Variants in GAREM1 observed in about 807,000 individuals in gnomAD.
GAREM1 encodes GRB2 associated regulator of MAPK1 subtype 1, also known as GRB2-associated and regulator of MAPK protein 1.
GAREM1 carries 26 observed loss-of-function variants against 71.3 expected under a neutral mutation model. That is an observed-to-expected ratio of 0.36 (90% CI 0.27 to 0.51). The LOEUF is 0.51. GAREM1 is among the 20% of genes least tolerant of loss of function. The probability of loss-of-function intolerance (pLI) is 0.95; values close to 1 mark genes in which losing one functional copy is unlikely to be tolerated. For synonymous variants in GAREM1, 440 were observed against 433.2 expected (o/e 1.02, Z -0.20); for missense variants, 1,026 against 1,103.1 (o/e 0.93, Z 0.99).
rs2048195263 is a variant in GAREM1, at chr18:32,391,308, GAGA to G, written c.262+1584_262+1586del. Among the ~76,000 whole-genome samples the G allele has an allele frequency of 3.9e-5, 6 of 152,244 alleles. No homozygotes were observed. The South Asian group carries it at 1.0e-3, about 26-fold the overall frequency. The stretch of plus-strand genomic sequence containing the variant: ...CTTCGGAATAGAAAAGATCAGTTTG[GAGA>G]AGTAGACCAGAACCAGCCTCTGGAA... On this transcript the variant is annotated intron_variant, in intron 2 of 5. Coordinates refer to ENST00000269209, the MANE Select transcript of GAREM1 (RefSeq NM_001242409.2).
At chr18:32,452,881 GTTA>G (rs1211696468) in intron 1 of GAREM1, among the ~76,000 whole-genome samples, 2 of 150,406 alleles carry the variant, frequency 1.3e-5, no homozygotes, top group African/African-American at 4.9e-5. Context: ...AACTTGGCAT[GTTA>G]TTAACTATAG....
In GAREM1 at chr18:32,378,057, T is replaced by TGTGTGCGC. The variant is rs1293817110; in HGVS notation, c.262+14837_262+14838insGCGCACAC. On this transcript the variant is annotated intron_variant, in intron 2 of 5. Transcript: ENST00000269209. ...GTGTGTGTGTGTGTGTGTGTGTGTG[T>TGTGTGCGC]GCGCGCGGGCGCTTTGGAGGAGGGC... Among the ~76,000 whole-genome samples, 53 of 127,620 alleles carry TGTGTGCGC rather than the reference T, an allele frequency of 4.2e-4. 1 individual carries two copies. The highest frequency in any genetic ancestry group is 1.5e-3 in the African/African-American group (51 of 33,236). 83.7% of individuals were successfully genotyped at this position (127,620 alleles called of 152,430 possible).
intron 2 of GAREM1, among the ~76,000 whole-genome samples, chr18:32,318,882 A>G (rs1034434829): frequency 6.6e-6 from 1 of 152,190 alleles, no homozygotes; most frequent in African/African-American, 2.4e-5. Context: ...CCAAAATGTT[A>G]AAGTAGAAAA....
At chr18:32,322,493 G>A (rs909704884) in intron 2 of GAREM1, among the ~76,000 whole-genome samples, 3 of 148,452 alleles carry the variant, frequency 2.0e-5, no homozygotes, top group Non-Finnish European at 4.4e-5. Context: ...AAAGATTGGG[G>A]TCAGTTACAA....
intron 2 of GAREM1, among the ~76,000 whole-genome samples, chr18:32,323,654 G>A (rs895556390): frequency 1.3e-4 from 20 of 152,014 alleles, no homozygotes; most frequent in African/African-American, 4.8e-4. Flanking sequence ...GGTTGCAGTG[G>A]GCCAAAATTG....
At chr18:32,352,375 G>A (rs926511066) in intron 2 of GAREM1, among the ~76,000 whole-genome samples, 1 of 152,156 alleles carries the variant, frequency 6.6e-6, no homozygotes, top group Non-Finnish European at 1.5e-5. Flanking sequence ...ATCCTGCCTC[G>A]CTGGCCTGAG....
intron 2 of GAREM1, among the ~76,000 whole-genome samples, chr18:32,355,158 T>G (rs1182428116): frequency 6.6e-6 from 1 of 152,176 alleles, no homozygotes; most frequent in Non-Finnish European, 1.5e-5. Flanking sequence ...AAAAAAATTT[T>G]TTTAAAGTCT....
chr18:32,433,647 A>C (rs748055519), intron 1 of GAREM1, among the ~76,000 whole-genome samples: 6 of 152,078 alleles, frequency 3.9e-5, no homozygotes, highest in African/African-American at 7.2e-5. Flanking sequence ...AAAGTCAGTC[A>C]CATTTCTCTA....
At chr18:32,462,219 T>C (rs958137156) in intron 1 of GAREM1, among the ~76,000 whole-genome samples, 3 of 152,240 alleles carry the variant, frequency 2.0e-5, no homozygotes, top group African/African-American at 7.2e-5. Context: ...GCTTTATTAA[T>C]TGAAATTTAC....
At chr18:32,364,288 GC>G (rs1287372905) in intron 2 of GAREM1, among the ~76,000 whole-genome samples, 1 of 151,284 alleles carries the variant, frequency 6.6e-6, no homozygotes, top group Non-Finnish European at 1.5e-5. Context: ...GCTTGCCTCA[GC>G]CTCCCAAAGT....
intron 2 of GAREM1, among the ~76,000 whole-genome samples, chr18:32,385,306 C>T (rs890219939): frequency 6.6e-6 from 1 of 151,842 alleles, no homozygotes; most frequent in East Asian, 1.9e-4. Flanking sequence ...CTACCTTTCA[C>T]TCATTTTTAA....
rs550531323 is a variant in GAREM1 at position 32,270,265 on chromosome 18, C to A, written c.1685G>T (p.Arg562Leu). 3 of 1,613,848 alleles carry A rather than the reference C, an allele frequency of 1.9e-6. No individual in the cohort carries two copies. The highest frequency in any genetic ancestry group is 2.5e-6 in the Non-Finnish European group (3 of 1,179,920). Residue 562 changes from arginine (R) to leucine (L), a missense_variant, in exon 5 of 6, where the codon CGC becomes CTC. Around this residue, in one of 3 missense-constraint regions of GAREM1, gnomAD observed 636 missense variants for 631.2 expected, o/e 1.01. Coordinates refer to ENST00000269209, the MANE Select transcript of GAREM1 (RefSeq NM_001242409.2). ...GTAGGACAAGGTGGGGCTGGGAGAG[C>A]GAGTCTGTTGCCGCGCTGGCTTGAC... ...RTVKPARQQT[R>L]SPSPTLSYYS... is the part of the protein sequence containing the mutation.
chr18:32,297,847 A>G (rs116595523), intron 3 of GAREM1, among the ~76,000 whole-genome samples: 29 of 152,366 alleles, frequency 1.9e-4, no homozygotes, highest in African/African-American at 7.0e-4. Context: ...AGACAGGGAT[A>G]AGATGCAGAC....
At chr18:32,433,203 CAT>C (rs1022098071) in intron 1 of GAREM1, among the ~76,000 whole-genome samples, 3 of 146,876 alleles carry the variant, frequency 2.0e-5, no homozygotes, top group African/African-American at 7.4e-5. Context: ...GTAGAAAAAA[CAT>C]ATCACACAAC....
At chr18:32,375,412 C>T (rs955970722) in intron 2 of GAREM1, among the ~76,000 whole-genome samples, 5 of 150,706 alleles carry the variant, frequency 3.3e-5, no homozygotes, top group Non-Finnish European at 7.4e-5. Flanking sequence ...AAGGTTTCTT[C>T]ACAGGTTCGT....
intron 2 of GAREM1, among the ~76,000 whole-genome samples, chr18:32,353,947 G>C (rs917431473): frequency 2.6e-5 from 4 of 152,152 alleles, no homozygotes; most frequent in Non-Finnish European, 5.9e-5. Flanking sequence ...TGAACAAGTT[G>C]ATTAATTAGA....
At chr18:32,353,412 C>T (rs1053213354) in intron 2 of GAREM1, among the ~76,000 whole-genome samples, 20 of 152,160 alleles carry the variant, frequency 1.3e-4, no homozygotes, top group African/African-American at 4.6e-4. Flanking sequence ...TGTTTACTTA[C>T]CTAATAGCTA....
At chr18:32,288,512 T>A (rs949400312) in intron 3 of GAREM1, among the ~76,000 whole-genome samples, 2 of 151,950 alleles carry the variant, frequency 1.3e-5, no homozygotes, top group African/African-American at 4.8e-5. Context: ...TTTTCATGAA[T>A]GCTGATGTAG....
chr18:32,364,813 TAATCA>T (rs942228928), intron 2 of GAREM1, among the ~76,000 whole-genome samples: 13 of 151,814 alleles, frequency 8.6e-5, no homozygotes, highest in African/African-American at 4.8e-5. Flanking sequence ...TGAACAAAGA[TAATCA>T]AATCAAAGTT....
Sources: allele counts gnomAD v4.1 joint callset (sites outside exome capture counted in the v4.1 genomes callset), GRCh38; gene constraint gnomAD v4.1.1; regional missense constraint gnomAD v4.1.1; transcripts MANE v1.5; gene names NCBI Gene and HGNC (gene_info 2026-07-23, HGNC 2026-07-21).